PIK3C2G: variants seen among roughly 807,000 people sequenced by gnomAD.
PIK3C2G encodes phosphatidylinositol 3-kinase C2 domain-containing subunit gamma.
In PIK3C2G, 168 loss-of-function variants were observed where a neutral mutation model predicts 181.1. That is an observed-to-expected ratio of 0.93 (90% CI 0.82 to 1.05). The LOEUF (loss-of-function observed/expected upper bound fraction) is 1.05, where lower values mean the gene tolerates loss of function less well. PIK3C2G is among the 50% of genes least tolerant of loss of function. PIK3C2G has a pLI of 0.00. For synonymous variants in PIK3C2G, 573 were observed against 592.2 expected, an observed-to-expected ratio of 0.97 and a Z score of 0.47; for missense variants, 1,869 against 1,732.8, an observed-to-expected ratio of 1.08 and a Z score of -1.40.
At chr12:18,431,978 C>T (rs1946186389) in intron 18 of PIK3C2G, among the ~76,000 whole-genome samples, 1 of 152,160 alleles carries the variant, frequency 6.6e-6, no homozygotes, top group African/African-American at 2.4e-5. Flanking sequence ...ACAAGGTTTC[C>T]TTTGTACACA....
chr12:18,550,474 G>T (rs1238177362), intron 26 of PIK3C2G, among the ~76,000 whole-genome samples: 1 of 151,626 alleles, frequency 6.6e-6, no homozygotes, highest in East Asian at 1.9e-4. Flanking sequence ...ATATCACATG[G>T]ATTTTAAAAC....
At chr12:18,336,169 C>T (rs927435682) in intron 8 of PIK3C2G, among the ~76,000 whole-genome samples, 12 of 151,952 alleles carry the variant, frequency 7.9e-5, no homozygotes, top group African/African-American at 2.9e-4. Context: ...AAATTTAGCC[C>T]TCATTATCTG....
intron 18 of PIK3C2G, among the ~76,000 whole-genome samples, chr12:18,473,258 T>C (rs1938622164): frequency 6.6e-6 from 1 of 152,224 alleles, no homozygotes; most frequent in African/African-American, 2.4e-5. Context: ...CAGGTCTGAT[T>C]TACAGATTAT....
intron 16 of PIK3C2G, among the ~76,000 whole-genome samples, chr12:18,417,367 T>C (rs1459111297): frequency 6.6e-6 from 1 of 152,182 alleles, no homozygotes; most frequent in African/African-American, 2.4e-5. Flanking sequence ...GTGGCAGGGC[T>C]TGAAAGAATT....
intron 8 of PIK3C2G, among the ~76,000 whole-genome samples, chr12:18,337,478 G>T (rs1188839399): frequency 1.3e-5 from 2 of 152,106 alleles, no homozygotes; most frequent in East Asian, 3.9e-4. Flanking sequence ...AATTTATAAA[G>T]AAAAGAGGTT....
chr12:18,321,230 T>C (rs1951094913), intron 7 of PIK3C2G, among the ~76,000 whole-genome samples, 198 bp downstream of exon 7: 1 of 152,250 alleles, frequency 6.6e-6, no homozygotes, highest in South Asian at 2.1e-4. Flanking sequence ...CTGCTAACAC[T>C]TTCCAGAACA....
At chr12:18,535,977 T>C (rs1943832392) in intron 24 of PIK3C2G, among the ~76,000 whole-genome samples, 1 of 144,772 alleles carries the variant, frequency 6.9e-6, no homozygotes, top group African/African-American at 2.6e-5. Flanking sequence ...GGAAGAGGGG[T>C]AGGGATAGCA....
At chr12:18,423,006 C>T (rs1030836254) in intron 17 of PIK3C2G, among the ~76,000 whole-genome samples, 6 of 151,856 alleles carry the variant, frequency 4.0e-5, no homozygotes, top group African/African-American at 1.5e-4. Flanking sequence ...TATAAACTTT[C>T]CCATTCTTGA....
intron 22 of PIK3C2G, among the ~76,000 whole-genome samples, chr12:18,498,302 T>C (rs1941174358): frequency 6.6e-6 from 1 of 152,222 alleles, no homozygotes; most frequent in Admixed American, 6.5e-5. Flanking sequence ...GAAAACATAA[T>C]TATACTTATG....
intron 30 of PIK3C2G, chr12:18,607,314 A>G: frequency 2.7e-6 from 1 of 370,860 alleles, no homozygotes. Context: ...GAATAGCTAC[A>G]GTAATCAAAA....
intron 16 of PIK3C2G, among the ~76,000 whole-genome samples, chr12:18,410,350 C>T (rs1230231852): frequency 6.6e-6 from 1 of 151,668 alleles, no homozygotes; most frequent in Non-Finnish European, 1.5e-5. Flanking sequence ...ACTGAAAATA[C>T]AAAAATTAGC....
At chr12:18,377,592 C>A (rs2137929481) in intron 13 of PIK3C2G, among the ~76,000 whole-genome samples, 1 of 152,134 alleles carries the variant, frequency 6.6e-6, no homozygotes, top group Non-Finnish European at 1.5e-5. Flanking sequence ...TTGATTTTGT[C>A]CAAAAAGCTC....
chr12:18,497,589 A>G (rs1366566124), intron 21 of PIK3C2G, 30 bp from the exon 22 acceptor site: 1 of 1,588,522 alleles, frequency 6.3e-7, no homozygotes, highest in Non-Finnish European at 8.6e-7. Flanking sequence ...TCAAGGAAAA[A>G]CCCAGGGTCT....
the PIK3C2G span, among the ~76,000 whole-genome samples, chr12:18,668,051 A>G: frequency 6.6e-6 from 1 of 152,202 alleles, no homozygotes; most frequent in African/African-American, 2.4e-5. Context: ...TTTCTGATAC[A>G]GTCAAAGTTC....
intron 29 of PIK3C2G, among the ~76,000 whole-genome samples, chr12:18,570,865 C>T (rs761288990): frequency 7.3e-5 from 11 of 150,704 alleles, no homozygotes; most frequent in Non-Finnish European, 1.6e-4. Flanking sequence ...AGGCAGAGAA[C>T]CGAAAACTGT....
At chr12:18,482,146 A>ACCCC (rs1939622843) in intron 18 of PIK3C2G, among the ~76,000 whole-genome samples, 1 of 87,666 alleles carries the variant, frequency 1.1e-5, no homozygotes, top group Non-Finnish European at 2.3e-5. Flanking sequence ...TACCTCACCC[A>ACCCC]CCCCATCCAC....
intron 29 of PIK3C2G, among the ~76,000 whole-genome samples, chr12:18,585,626 C>A (rs1011278384): frequency 6.6e-6 from 1 of 152,100 alleles, no homozygotes; most frequent in African/African-American, 2.4e-5. Context: ...ACTGACAGTA[C>A]TAGACAGATC....
chr12:18,529,257 G>A (rs1481292433), intron 24 of PIK3C2G, among the ~76,000 whole-genome samples: 1 of 152,118 alleles, frequency 6.6e-6, no homozygotes, highest in East Asian at 1.9e-4. Context: ...AAGTCCAAGT[G>A]TTAAAGTATC....
intron 5 of PIK3C2G, among the ~76,000 whole-genome samples, chr12:18,303,085 C>T (rs1049093253): frequency 8.0e-6 from 1 of 124,546 alleles, no homozygotes; most frequent in African/African-American, 3.2e-5. Flanking sequence ...TAAGTAATTT[C>T]TTTTTCTTTT....
Sources: gnomAD v4.1 joint callset for allele counts (sites outside exome capture counted in the v4.1 genomes callset) on GRCh38, gnomAD v4.1.1 for gene constraint, MANE v1.5 for transcripts, NCBI Gene and HGNC (gene_info 2026-07-23, HGNC 2026-07-21) for gene names.